Variants in GOLGB1 observed in about 807,000 individuals in gnomAD.
GOLGB1 encodes golgin subfamily B member 1.
GOLGB1 carries 174 observed loss-of-function variants against 336.9 expected under a neutral mutation model. The observed-to-expected ratio is 0.52, with a 90% CI of 0.46 to 0.59. The LOEUF (loss-of-function observed/expected upper bound fraction) is 0.59, where lower values mean the gene tolerates loss of function less well. GOLGB1 is among the 20% of genes least tolerant of loss of function. GOLGB1 has a pLI of 0.00. For missense variants in GOLGB1, 3,331 were observed against 3,645.3 expected (o/e 0.91, Z 2.22); for synonymous variants, 1,208 against 1,289.2 (o/e 0.94, Z 1.35).
At chr3:121,733,451 TATTGAAAACC>T (rs1431816093) in intron 1 of GOLGB1, among the ~76,000 whole-genome samples, 1 of 152,116 alleles carries the variant, frequency 6.6e-6, no homozygotes, top group African/African-American at 2.4e-5. Flanking sequence ...TGCTGAAAAC[TATTGAAAACC>T]CGAGGAAGAC....
chr3:121,699,379 C>T (rs1943207838), intron 12 of GOLGB1, among the ~76,000 whole-genome samples: 1 of 152,144 alleles, frequency 6.6e-6, no homozygotes, highest in Non-Finnish European at 1.5e-5. Context: ...CTTAAATCAA[C>T]AGAATGATAC....
intron 4 of GOLGB1, 83 bp from the exon 5 acceptor site, chr3:121,727,124 C>T (rs926452468): frequency 5.3e-6 from 4 of 754,278 alleles, no homozygotes; most frequent in South Asian, 2.9e-5. Flanking sequence ...TTTTCATTTA[C>T]AACCATTTAG....
chr3:121,731,010 A>G (rs368569202), intron 1 of GOLGB1, 37 bp from the exon 2 acceptor site: 5 of 1,596,414 alleles, frequency 3.1e-6, no homozygotes, highest in East Asian at 4.5e-5. Flanking sequence ...CCTAAGAATC[A>G]GCAAAATGAA....
chr3:121,694,091 C>G lies in GOLGB1; in HGVS notation c.6432G>C (p.Lys2144Asn). The part of the protein sequence containing the change: ...QAEEKHLKEK[K>N]NMQEKLDALR... ...AAGCATCCAGTTTCTCTTGCATATT[C>G]TTCTTCTCTTTCAGGTGCTTCTCTT... The change falls in exon 13 of 22, where the codon AAG becomes AAC. Residue 2144 changes from lysine (K) to asparagine (N), a missense_variant. Lys to Asn is a moderately conservative substitution (Grantham distance 94, BLOSUM62 0). Coordinates refer to ENST00000614479, the MANE Select transcript of GOLGB1 (RefSeq NM_001366282.2). 6.2e-7 allele frequency: 1 copy of G among 1,614,048 alleles called. No homozygotes were observed. The highest frequency in any genetic ancestry group is 8.5e-7 in the Non-Finnish European group (1 of 1,180,004).
chr3:121,684,315 C>A (rs2107698883), intron 14 of GOLGB1, among the ~76,000 whole-genome samples: 1 of 143,536 alleles, frequency 7.0e-6, no homozygotes, highest in Non-Finnish European at 1.5e-5. Context: ...ATTAGAGAAG[C>A]AATCAAGAAG....
intron 1 of GOLGB1, among the ~76,000 whole-genome samples, chr3:121,732,850 A>G (rs1328347575): frequency 6.6e-6 from 1 of 152,164 alleles, no homozygotes; most frequent in Non-Finnish European, 1.5e-5. Flanking sequence ...TCTATCTAAC[A>G]CTATACTGGA....
In GOLGB1 at chr3:121,726,433, CAAAAAAAAAAA is replaced by C. The variant is rs10547964; in HGVS notation, c.531+469_531+479del. On this transcript the variant is annotated intron_variant, in intron 5 of 21. Coordinates refer to ENST00000614479, the MANE Select transcript of GOLGB1 (RefSeq NM_001366282.2). ...TGGCCAACAGAGTGACACCCTGTCTCAAAAAAAAAAAAAAAAAAAAAGAAAAGAAAAGAAAA... is the reference window on the plus strand; with the variant it reads ...TGGCCAACAGAGTGACACCCTGTCTCAAAAAAAAAAGAAAAGAAAAGAAAA... 9.8e-5 allele frequency among the ~76,000 whole-genome samples: 6 copies of C among 61,454 alleles called. 1 individual carries two copies. The highest frequency in any genetic ancestry group is 4.1e-4 in the African/African-American group (6 of 14,458). The allele number at this position is 61,454 out of a possible 152,430, so 40.3% of individuals were successfully genotyped here.
At chr3:121,700,108 A>G (rs1392568987) in intron 11 of GOLGB1, among the ~76,000 whole-genome samples, 3 of 152,148 alleles carry the variant, frequency 2.0e-5, no homozygotes, top group African/African-American at 7.2e-5. Context: ...TGAATGAAGT[A>G]TACTAAATAG....
At chr3:121,732,161 C>A (rs1283673675) in intron 1 of GOLGB1, among the ~76,000 whole-genome samples, 1 of 152,034 alleles carries the variant, frequency 6.6e-6, no homozygotes, top group Non-Finnish European at 1.5e-5. Context: ...TGTGTGGGTG[C>A]ATGTGTGTGT....
chr3:121,677,010 A>G lies in GOLGB1; in HGVS notation c.9060T>C (p.Ala3020=). The stretch of plus-strand genomic sequence containing the variant: ...CCAGATTTTGTGACCCATCTGGGGA[A>G]GCTGATGTCTCTGGGGATGCCTGCC... The part of the protein sequence containing the change: ...YQRQASPETS[A]SPDGSQNLVY... The change falls in exon 17 of 22, where the codon GCT becomes GCC. Residue 3020 remains alanine (A), a synonymous_variant. Transcript: ENST00000614479. 1 of 1,613,962 alleles carries G rather than the reference A, an allele frequency of 6.2e-7. No individual in the cohort carries two copies. Among genetic ancestry groups the G allele is most frequent in the South Asian group, 1.1e-5 (1 of 91,078 alleles).
intron 14 of GOLGB1, among the ~76,000 whole-genome samples, chr3:121,684,127 C>CAAAAAAAAAAAAAAAAAAAAAA (rs61510295): frequency 6.4e-4 from 7 of 10,914 alleles, no homozygotes; most frequent in Non-Finnish European, 9.1e-4. Flanking sequence ...GACGCCGTCT[C>CAAAAAAAAAAAAAAAAAAAAAA]AAAAAAAAAA....
At chr3:121,724,504 G>A (rs1945415992) in intron 5 of GOLGB1, among the ~76,000 whole-genome samples, 1 of 151,606 alleles carries the variant, frequency 6.6e-6, no homozygotes, top group African/African-American at 2.4e-5. Context: ...CAAACTGCTT[G>A]AGCTGCTATG....
Position 121,696,353 on chromosome 3 carries a change from T to G in GOLGB1, c.4170A>C (p.Glu1390Asp). ...GTTTAGGTTGCAATTCTCTTAGATG[T>G]TCTAGGCCAGCAATTTGTAGTTGGC... ...ESSQLQIAGLEHLRELQPKLD... is the reference protein window; with the variant it reads ...ESSQLQIAGLDHLRELQPKLD... Residue 1390 changes from glutamate to aspartate, a missense_variant, in exon 13 of 22, where the codon GAA (glutamate) becomes GAC (aspartate). By Grantham distance (45) the Glu-to-Asp change is conservative. Coordinates refer to ENST00000614479, the MANE Select transcript of GOLGB1 (RefSeq NM_001366282.2). 6.2e-7 allele frequency: 1 copy of G among 1,614,198 alleles called. No homozygotes were observed. The highest frequency in any genetic ancestry group is 8.5e-7 in the Non-Finnish European group (1 of 1,180,014).
rs774755278 is a variant in GOLGB1, at chr3:121,694,701, C to T, written c.5822G>A (p.Ser1941Asn). The T allele has an allele frequency of 1.1e-5, 18 of 1,611,802 alleles. No homozygotes were observed. The highest frequency in any genetic ancestry group is 6.6e-5 in the South Asian group (6 of 91,040). The change falls in exon 13 of 22, where the codon AGC becomes AAC. Residue 1941 changes from serine (S) to asparagine (N), a missense_variant. Ser to Asn is a conservative substitution (Grantham distance 46, BLOSUM62 1). Coordinates refer to ENST00000614479, the MANE Select transcript of GOLGB1 (RefSeq NM_001366282.2). ...LMNQLAELNG[S>N]IGNYCQDVTD... is the part of the protein sequence containing the mutation. ...AACATCCTGACAGTAATTCCCAATG[C>T]TTCCATTAAGTTCTGCTAATTGATT...
intron 5 of GOLGB1, among the ~76,000 whole-genome samples, chr3:121,726,400 C>G (rs1263373942): frequency 7.4e-6 from 1 of 135,500 alleles, no homozygotes; most frequent in Non-Finnish European, 1.5e-5. Context: ...TACTGCTCCA[C>G]TCCAGCCTGG....
Position 121,694,292 on chromosome 3 carries a change from CT to C in GOLGB1, c.6230del (p.Lys2077ArgfsTer6). Reference protein sequence around the residue: ...NLAQAVEHRKKAQAELASFKV... With the variant: ...NLAQAVEHRKXAQAELASFKV... ...TGAAGCTAGCTAATTCTGCTTGTGC[CT>C]TTTTGCGGTGTTCAACTGCTTGAGC... On this transcript the variant is annotated frameshift_variant, in exon 13 of 22. Coordinates refer to ENST00000614479, the MANE Select transcript of GOLGB1 (RefSeq NM_001366282.2). LOFTEE classifies it high-confidence loss of function. 1 of 1,610,454 alleles carries C rather than the reference CT, an allele frequency of 6.2e-7. No individual in the cohort carries two copies.
chr3:121,733,052 G>A (rs532260658), intron 1 of GOLGB1, among the ~76,000 whole-genome samples: 11 of 152,114 alleles, frequency 7.2e-5, no homozygotes, highest in African/African-American at 2.4e-4. Context: ...GGCCAGGTGC[G>A]GTAGCTCACG....
intron 14 of GOLGB1, among the ~76,000 whole-genome samples, chr3:121,689,288 T>C: frequency 6.6e-6 from 1 of 152,254 alleles, no homozygotes; most frequent in Admixed American, 6.5e-5. Context: ...GGGAAACTTT[T>C]CATTTTGTTC....
intron 14 of GOLGB1, among the ~76,000 whole-genome samples, chr3:121,686,039 A>T (rs1479278956): frequency 6.6e-6 from 1 of 152,144 alleles, no homozygotes; most frequent in African/African-American, 2.4e-5. Context: ...AGTGAACTGG[A>T]CGTAATTCTT....
Sources: gnomAD v4.1 joint callset for allele counts (sites outside exome capture counted in the v4.1 genomes callset) on GRCh38, gnomAD v4.1.1 for gene constraint, MANE v1.5 for transcripts, NCBI Gene and HGNC (gene_info 2026-07-23, HGNC 2026-07-21) for gene names.